The following RBPJ variants were observed in gnomAD, a reference collection of about 807,000 sequenced individuals.
RBPJ encodes recombining binding protein suppressor of hairless.
Under a neutral mutation model 67.8 loss-of-function variants are expected in RBPJ, and 9 were observed. The observed-to-expected ratio is 0.13, with a 90% confidence interval of 0.08 to 0.23. RBPJ has a LOEUF of 0.23. RBPJ is among the 10% of genes least tolerant of loss of function. RBPJ has a pLI of 1.00. For missense variants in RBPJ, 305 were observed against 595.6 expected, an observed-to-expected ratio of 0.51 and a Z score of 5.08; for synonymous variants, 198 against 203.3, an observed-to-expected ratio of 0.97 and a Z score of 0.22.
At chr4:26,137,741 C>G in the RBPJ span, among the ~76,000 whole-genome samples, 3 of 152,222 alleles carry the variant, frequency 2.0e-5, no homozygotes, top group Non-Finnish European at 2.9e-5. Context: ...CCTGGATGCT[C>G]TCAACCTGGC....
Position 26,363,498 on chromosome 4 carries a change from G to A in RBPJ, c.21-22855G>A, listed in dbSNP as rs189326133. The stretch of plus-strand genomic sequence containing the variant: ...CTGTTGTCCGGGCTGGAGTGCAGTG[G>A]CACGATCTTGGCTCACTGCAGCCTC... On this transcript the variant is annotated intron_variant, in intron 1 of 10. Transcript: ENST00000355476. Among the ~76,000 whole-genome samples the A allele has an allele frequency of 1.4e-4, 21 of 152,316 alleles. No homozygotes were observed. The East Asian group carries it at 3.9e-3, about 28-fold the overall frequency.
At chr4:26,287,133 A>T (rs1444825600) in intron 1 of RBPJ, among the ~76,000 whole-genome samples, 1 of 152,162 alleles carries the variant, frequency 6.6e-6, no homozygotes, top group Admixed American at 6.5e-5. Flanking sequence ...AAAAAGACAA[A>T]GGAAAGAGCT....
intron 2 of RBPJ, among the ~76,000 whole-genome samples, chr4:26,389,467 A>G (rs1480003420): frequency 6.6e-6 from 1 of 150,376 alleles, no homozygotes; most frequent in African/African-American, 2.5e-5. Context: ...TTCTATACCC[A>G]GTAGATATAT....
At chr4:26,221,113 C>T (rs1718889064) in intron 1 of RBPJ, among the ~76,000 whole-genome samples, 1 of 152,160 alleles carries the variant, frequency 6.6e-6, no homozygotes, top group South Asian at 2.1e-4. Flanking sequence ...TTGTTTGAGA[C>T]GGAGTCTCGT....
At chr4:26,158,945 T>TTCTCAATC (rs1716025594), upstream of RBPJ, among the ~76,000 whole-genome samples, 1 of 136,732 alleles carries the variant, frequency 7.3e-6, no homozygotes, top group African/African-American at 2.8e-5. Context: ...CTCTCTCTCT[T>TTCTCAATC]TCTCTCTCTC....
intron 1 of RBPJ, among the ~76,000 whole-genome samples, chr4:26,366,038 C>A (rs1728588114): frequency 6.6e-6 from 1 of 152,194 alleles, no homozygotes; most frequent in South Asian, 2.1e-4. Flanking sequence ...AACCCCCTAC[C>A]CCCTAATGAA....
intron 1 of RBPJ, among the ~76,000 whole-genome samples, chr4:26,330,615 G>T (rs1291978673): frequency 1.3e-5 from 2 of 152,204 alleles, no homozygotes; most frequent in East Asian, 3.8e-4. Context: ...AAGCAGAATG[G>T]AAGCTCAATG....
chr4:26,179,977 G>A (rs1264939285), intron 1 of RBPJ, among the ~76,000 whole-genome samples: 1 of 152,156 alleles, frequency 6.6e-6, no homozygotes, highest in African/African-American at 2.4e-5. Flanking sequence ...TATACACCAG[G>A]AAATACGATG....
intron 1 of RBPJ, among the ~76,000 whole-genome samples, chr4:26,251,929 A>G (rs1334400654): frequency 6.6e-6 from 1 of 151,942 alleles, no homozygotes; most frequent in Non-Finnish European, 1.5e-5. Context: ...TAACGTTCTC[A>G]CAACGGGGCT....
chr4:26,197,943 G>A (rs76525064), intron 1 of RBPJ, among the ~76,000 whole-genome samples: 189 of 152,276 alleles, frequency 1.2e-3, no homozygotes, highest in African/African-American at 4.3e-3. Flanking sequence ...ATTACTTTGT[G>A]TAATTTTCAT....
chr4:26,268,622 A>G (rs1577373554), intron 1 of RBPJ, among the ~76,000 whole-genome samples: 2 of 152,218 alleles, frequency 1.3e-5, no homozygotes, highest in African/African-American at 2.4e-5. Context: ...ATGTGTGCAT[A>G]AATCTTCTCA....
At chr4:26,362,127 A>G (rs1017594003) in intron 1 of RBPJ, among the ~76,000 whole-genome samples, 1 of 152,170 alleles carries the variant, frequency 6.6e-6, no homozygotes, top group Non-Finnish European at 1.5e-5. Context: ...CACAGAATAG[A>G]ATAGTGGTCG....
chr4:26,245,724 T>C (rs1577354402), intron 1 of RBPJ, among the ~76,000 whole-genome samples: 1 of 152,224 alleles, frequency 6.6e-6, no homozygotes, highest in East Asian at 1.9e-4. Context: ...CAGTTAGCCC[T>C]ATAATTTTCT....
Position 26,433,260 on chromosome 4 carries a change from A to G in RBPJ, c.*2253A>G, listed in dbSNP as rs1736389909. On this transcript the variant is annotated 3_prime_UTR_variant, in exon 11 of 11. Coordinates refer to ENST00000355476, the MANE Select transcript of RBPJ (RefSeq NM_015874.6). Reference sequence around the variant, plus strand: ...TCTTACAGACCACTTATTTCTGAGTAGTAGTTATTCCTCTCTATGGAGTCA... The same window carrying G: ...TCTTACAGACCACTTATTTCTGAGTGGTAGTTATTCCTCTCTATGGAGTCA... 6.6e-6 allele frequency: 1 copy of G among 152,216 alleles called. No homozygotes were observed. The highest frequency in any genetic ancestry group is 1.5e-5 in the Non-Finnish European group (1 of 68,038). The allele number at this position is 152,216 out of a possible 1,614,324, so 9.4% of individuals were successfully genotyped here.
intron 1 of RBPJ, among the ~76,000 whole-genome samples, chr4:26,258,691 C>T (rs562488685): frequency 6.6e-6 from 1 of 152,298 alleles, no homozygotes; most frequent in East Asian, 1.9e-4. Flanking sequence ...TCGTTTAGTC[C>T]ATTCCTAAAG....
chr4:26,356,618 C>T, intron 1 of RBPJ, among the ~76,000 whole-genome samples: 1 of 152,144 alleles, frequency 6.6e-6, no homozygotes. Context: ...TAGTTCTTTT[C>T]TTATCAGTGT....
chr4:26,320,820 G>A (rs1223661467), upstream of RBPJ: 9 of 1,559,680 alleles, frequency 5.8e-6, no homozygotes, highest in South Asian at 8.3e-5. Context: ...GCCTGGGTAG[G>A]TTTCCAGGGA....
At chr4:26,345,122 G>T (rs549316485) in intron 1 of RBPJ, among the ~76,000 whole-genome samples, 1 of 152,216 alleles carries the variant, frequency 6.6e-6, no homozygotes, top group South Asian at 2.1e-4. Context: ...TTTGTGAATC[G>T]TAGTTATTAT....
chr4:26,212,010 CA>C (rs1370793154), intron 1 of RBPJ, among the ~76,000 whole-genome samples: 2 of 152,116 alleles, frequency 1.3e-5, no homozygotes, highest in African/African-American at 2.4e-5. Flanking sequence ...GCACAGAAGC[CA>C]GGGGAAGTGT....
Sources: allele counts gnomAD v4.1 joint callset (sites outside exome capture counted in the v4.1 genomes callset), GRCh38; gene constraint gnomAD v4.1.1; transcripts MANE v1.5; gene names NCBI Gene and HGNC (gene_info 2026-07-23, HGNC 2026-07-21).